OR1F1: variants seen among roughly 807,000 people sequenced by gnomAD.
OR1F1 encodes olfactory receptor family 1 subfamily F member 1.
For synonymous variants in OR1F1, 184 were observed against 156.7 expected (o/e 1.17, Z -1.30); for missense variants, 493 against 376.3 (o/e 1.31, Z -2.57).
the OR1F1 span, among the ~76,000 whole-genome samples, chr16:3,191,566 G>T: frequency 2.0e-5 from 3 of 151,900 alleles, no homozygotes; most frequent in Non-Finnish European, 4.4e-5. Flanking sequence ...CGAGCCCCAC[G>T]TTGGGCGACT....
At chr16:3,204,918 T>G (rs1958185682) in exon 1 of OR1F1, 1 of 1,614,206 alleles carries the variant, frequency 6.2e-7, no homozygotes. Flanking sequence ...TCACCTGCAC[T>G]GTCCTGAAGG....
downstream of OR1F1, among the ~76,000 whole-genome samples, chr16:3,206,422 CT>C (rs1187603104): frequency 1.3e-5 from 2 of 152,110 alleles, no homozygotes; most frequent in African/African-American, 2.4e-5. Flanking sequence ...CCTTTGACAC[CT>C]GTGATCTCTG....
the OR1F1 span, among the ~76,000 whole-genome samples, chr16:3,196,723 T>C: frequency 2.9e-5 from 4 of 136,768 alleles, no homozygotes; most frequent in East Asian, 8.6e-4. Flanking sequence ...TTTTTTGAAA[T>C]GGAGTTTCGC....
the OR1F1 span, among the ~76,000 whole-genome samples, chr16:3,190,918 C>G: frequency 6.6e-6 from 1 of 152,074 alleles, no homozygotes; most frequent in Non-Finnish European, 1.5e-5. Context: ...GACAACGGGA[C>G]CTATGTAAAA....
chr16:3,202,687 T>A (rs1958148221), upstream of OR1F1, among the ~76,000 whole-genome samples: 1 of 148,096 alleles, frequency 6.8e-6, no homozygotes. Context: ...ATAATAATAA[T>A]AATAATAATA....
chr16:3,189,665 T>C, the OR1F1 span: 1 of 151,832 alleles, frequency 6.6e-6, no homozygotes. Flanking sequence ...GATTCTCGCT[T>C]AGGGTGCGAG....
chr16:3,193,810 T>C, the OR1F1 span, among the ~76,000 whole-genome samples: 1 of 152,222 alleles, frequency 6.6e-6, no homozygotes, highest in African/African-American at 2.4e-5. Flanking sequence ...TTGCTCAAGC[T>C]GGCATACTTC....
the OR1F1 span, among the ~76,000 whole-genome samples, chr16:3,192,976 G>A: frequency 3.3e-5 from 5 of 152,032 alleles, no homozygotes; most frequent in African/African-American, 7.2e-5. Context: ...TTCCTCTGTC[G>A]CCCAGGCTGG....
At chr16:3,194,062 A>C in the OR1F1 span, among the ~76,000 whole-genome samples, 1 of 152,336 alleles carries the variant, frequency 6.6e-6, no homozygotes. Context: ...ATGGAGACAC[A>C]TAAGTAGAAA....
the OR1F1 span, among the ~76,000 whole-genome samples, chr16:3,189,162 G>A: frequency 1.3e-5 from 2 of 152,218 alleles, no homozygotes; most frequent in Non-Finnish European, 2.9e-5. Context: ...CGGCGAGGTA[G>A]GGTGCCTGGT....
chr16:3,196,757 A>C, the OR1F1 span, among the ~76,000 whole-genome samples: 1 of 149,236 alleles, frequency 6.7e-6, no homozygotes, highest in African/African-American at 2.5e-5. Context: ...GCTGGAGTGC[A>C]ATGGCGTCCT....
chr16:3,193,160 C>CA, the OR1F1 span, among the ~76,000 whole-genome samples: 19 of 152,098 alleles, frequency 1.2e-4, no homozygotes, highest in Admixed American at 1.2e-3. Context: ...CTCCTGACCT[C>CA]AAGTGATCCA....
exon 1 of OR1F1, chr16:3,204,928 G>T: frequency 6.2e-7 from 1 of 1,614,120 alleles, no homozygotes; most frequent in Middle Eastern, 1.6e-4. Context: ...TGTCCTGAAG[G>T]TCCCATCCAC....
At chr16:3,198,287 C>T in the OR1F1 span, among the ~76,000 whole-genome samples, 1 of 152,030 alleles carries the variant, frequency 6.6e-6, no homozygotes, top group South Asian at 2.1e-4. Flanking sequence ...GGTTCTAATC[C>T]GGAGGCTAGC....
the OR1F1 span, among the ~76,000 whole-genome samples, chr16:3,195,284 G>C: frequency 3.9e-5 from 6 of 152,170 alleles, no homozygotes; most frequent in Non-Finnish European, 8.8e-5. Context: ...ATTAAAAAAA[G>C]AAAAGAAAAG....
At chr16:3,190,796 C>T in the OR1F1 span, among the ~76,000 whole-genome samples, 1 of 139,440 alleles carries the variant, frequency 7.2e-6, no homozygotes, top group Non-Finnish European at 1.6e-5. Context: ...TCATGAACAA[C>T]AAGTCATCAA....
chr16:3,190,742 C>G, the OR1F1 span, among the ~76,000 whole-genome samples: 5 of 114,182 alleles, frequency 4.4e-5, no homozygotes, highest in Admixed American at 9.4e-5. Flanking sequence ...CAAGGTAAGA[C>G]TCTATCTAAA....
chr16:3,194,063 T>C, the OR1F1 span, among the ~76,000 whole-genome samples: 67 of 152,176 alleles, frequency 4.4e-4, no homozygotes, highest in South Asian at 1.9e-3. Flanking sequence ...TGGAGACACA[T>C]AAGTAGAAAA....
upstream of OR1F1, among the ~76,000 whole-genome samples, chr16:3,202,963 C>T (rs1958152323): frequency 1.3e-5 from 2 of 150,660 alleles, no homozygotes; most frequent in Admixed American, 1.3e-4. Context: ...CAAAGGTTAT[C>T]TTCTTAATCC....
Sources: gnomAD v4.1 joint callset for allele counts (sites outside exome capture counted in the v4.1 genomes callset) on GRCh38, gnomAD v4.1.1 for gene constraint, MANE v1.5 for transcripts, NCBI Gene and HGNC (gene_info 2026-07-23, HGNC 2026-07-21) for gene names.